DPYD: variants seen among roughly 807,000 people sequenced by gnomAD.
DPYD encodes the protein dihydropyrimidine dehydrogenase [NADP(+)].
In DPYD, 109 loss-of-function variants were observed where a neutral mutation model predicts 116.2. The observed-to-expected ratio is 0.94, with a 90% CI of 0.80 to 1.10. The LOEUF is 1.10. Ranked by LOEUF, DPYD falls within the 50% of genes least tolerant of loss-of-function variation. The probability of loss-of-function intolerance (pLI) is 0.00; values close to 1 mark genes in which losing one functional copy is unlikely to be tolerated. For synonymous variants in DPYD, 440 were observed against 432.0 expected, an observed-to-expected ratio of 1.02 and a Z score of -0.23; for missense variants, 1,302 against 1,254.5, an observed-to-expected ratio of 1.04 and a Z score of -0.57.
At chr1:97,206,094 G>A (rs978844248) in intron 19 of DPYD, among the ~76,000 whole-genome samples, 6 of 151,708 alleles carry the variant, frequency 4.0e-5, no homozygotes, top group African/African-American at 1.5e-4. Context: ...AGATGCATAG[G>A]GCAAGGTATG....
chr1:97,386,697 G>T (rs1159899594), intron 14 of DPYD, among the ~76,000 whole-genome samples: 1 of 151,992 alleles, frequency 6.6e-6, no homozygotes, highest in Non-Finnish European at 1.5e-5. Flanking sequence ...AATGTGAAAT[G>T]GTCTAAGGAT....
At chr1:97,800,086 T>A (rs1233003376) in intron 3 of DPYD, among the ~76,000 whole-genome samples, 1 of 151,966 alleles carries the variant, frequency 6.6e-6, no homozygotes, top group Non-Finnish European at 1.5e-5. Flanking sequence ...TAAAGGTAGA[T>A]GTCTTCATAT....
intron 18 of DPYD, among the ~76,000 whole-genome samples, chr1:97,273,751 A>T (rs1457872069): frequency 6.6e-6 from 1 of 152,188 alleles, no homozygotes; most frequent in Non-Finnish European, 1.5e-5. Context: ...GAGTTCACAC[A>T]TATTAAAATG....
intron 2 of DPYD, among the ~76,000 whole-genome samples, chr1:97,830,313 A>G (rs1669474179): frequency 6.6e-6 from 1 of 152,176 alleles, no homozygotes; most frequent in Admixed American, 6.5e-5. Context: ...TTGGACATAA[A>G]TTTTTTAAGG....
intron 8 of DPYD, among the ~76,000 whole-genome samples, chr1:97,597,524 A>G (rs1426905527): frequency 6.6e-6 from 1 of 152,190 alleles, no homozygotes; most frequent in Non-Finnish European, 1.5e-5. Flanking sequence ...TGGCTAGGCT[A>G]TAACACCCGT....
At position 97,294,537 on chromosome 1, in the gene DPYD, G is replaced by A. The variant is rs75501785; in HGVS notation, c.2299+10722C>T. 6.9e-3 allele frequency among the ~76,000 whole-genome samples: 1,057 copies of A among 152,202 alleles called. 22 individuals carry two copies. Among genetic ancestry groups the A allele is most frequent in the African/African-American group, 0.024 (995 of 41,522 alleles). Reference sequence around the variant, plus strand: ...TTATAAAAGAGATGATGTTGCTTTGGGGAAAAAGATGAATCTGTTCGAAAA... The same window carrying A: ...TTATAAAAGAGATGATGTTGCTTTGAGGAAAAAGATGAATCTGTTCGAAAA... On this transcript the variant is annotated intron_variant, in intron 18 of 22. Transcript: ENST00000370192.
At chr1:97,457,305 A>T (rs1676740925) in intron 13 of DPYD, among the ~76,000 whole-genome samples, 1 of 152,138 alleles carries the variant, frequency 6.6e-6, no homozygotes, top group Non-Finnish European at 1.5e-5. Flanking sequence ...CCTCTTGGAT[A>T]GTGTGTCACA....
chr1:97,242,124 G>GTATATATATATATATA (rs71590220), intron 18 of DPYD, among the ~76,000 whole-genome samples: 1 of 35,866 alleles, frequency 2.8e-5, no homozygotes, highest in Non-Finnish European at 4.9e-5. Context: ...GTGTGCGTGT[G>GTATATATATATATATA]TATATATATA....
At chr1:97,107,304 G>A (rs1475059730) in intron 20 of DPYD, among the ~76,000 whole-genome samples, 1 of 152,084 alleles carries the variant, frequency 6.6e-6, no homozygotes, top group Admixed American at 6.6e-5. Context: ...CATAGTCTAT[G>A]AGCTGCCAAA....
intron 8 of DPYD, among the ~76,000 whole-genome samples, chr1:97,647,989 A>G (rs550314100): frequency 5.9e-4 from 90 of 152,072 alleles, no homozygotes; most frequent in Non-Finnish European, 9.7e-4. Context: ...ACCAAATCAG[A>G]TTTTCATTAA....
In DPYD at chr1:97,312,705, T is replaced by C. The variant is rs535296273; in HGVS notation, c.2059-6408A>G. Among the ~76,000 whole-genome samples, 11 of 151,978 alleles carry C rather than the reference T, an allele frequency of 7.2e-5. No homozygotes were observed. The South Asian group carries it at 1.2e-3, about 17-fold the overall frequency. On this transcript the variant is annotated intron_variant, in intron 16 of 22. Coordinates refer to ENST00000370192, the MANE Select transcript of DPYD (RefSeq NM_000110.4). ...ATATAAATATGTACATATATTTATATAGAGGTCTGAAAAACAGACTATGCA... is the reference window on the plus strand; with the variant it reads ...ATATAAATATGTACATATATTTATACAGAGGTCTGAAAAACAGACTATGCA...
chr1:97,752,103 G>C (rs138313305), intron 3 of DPYD, among the ~76,000 whole-genome samples: 1 of 151,984 alleles, frequency 6.6e-6, no homozygotes, highest in Admixed American at 6.6e-5. Context: ...CTTTAAAAGT[G>C]CAACAGTGAT....
chr1:97,426,957 G>T (rs894011984), intron 14 of DPYD, among the ~76,000 whole-genome samples: 1 of 152,002 alleles, frequency 6.6e-6, no homozygotes. Context: ...TTTATCTGAT[G>T]TCTCTGCAAA....
chr1:97,557,745 T>C (rs1268860107), intron 11 of DPYD, among the ~76,000 whole-genome samples: 1 of 152,222 alleles, frequency 6.6e-6, no homozygotes, highest in Non-Finnish European at 1.5e-5. Context: ...AATTTTATCC[T>C]AGTTACTTCT....
intron 4 of DPYD, among the ~76,000 whole-genome samples, chr1:97,733,033 A>G (rs1313588390): frequency 6.6e-6 from 1 of 152,156 alleles, no homozygotes; most frequent in African/African-American, 2.4e-5. Context: ...TTACATATAG[A>G]TAGGTAGGAC....
intron 20 of DPYD, among the ~76,000 whole-genome samples, chr1:97,127,926 C>A (rs956207738): frequency 2.0e-5 from 3 of 152,066 alleles, no homozygotes; most frequent in Admixed American, 2.0e-4. Context: ...AATAACAAAC[C>A]ATGTATGTAT....
At chr1:97,717,651 G>A (rs986016934) in intron 5 of DPYD, among the ~76,000 whole-genome samples, 3 of 151,972 alleles carry the variant, frequency 2.0e-5, no homozygotes, top group Admixed American at 6.6e-5. Flanking sequence ...TTATGCTTTT[G>A]TGTCCTCACA....
At chr1:97,099,569 T>C (rs1008478337) in intron 20 of DPYD, among the ~76,000 whole-genome samples, 11 of 152,110 alleles carry the variant, frequency 7.2e-5, no homozygotes, top group Non-Finnish European at 1.5e-4. Flanking sequence ...GAATTCCAAA[T>C]GTTTTGTGTC....
At chr1:97,217,137 G>C (rs1204386154) in intron 19 of DPYD, among the ~76,000 whole-genome samples, 1 of 152,134 alleles carries the variant, frequency 6.6e-6, no homozygotes, top group Non-Finnish European at 1.5e-5. Flanking sequence ...GAACACGGGA[G>C]GCGGAGGTTG....
Sources: allele counts gnomAD v4.1 joint callset (sites outside exome capture counted in the v4.1 genomes callset), GRCh38; gene constraint gnomAD v4.1.1; transcripts MANE v1.5; gene names NCBI Gene and HGNC (gene_info 2026-07-23, HGNC 2026-07-21).